USH2A: variants seen among roughly 807,000 people sequenced by gnomAD.
USH2A encodes the protein Usher syndrome 2A (autosomal recessive, mild).
USH2A carries 443 observed loss-of-function variants against 538.9 expected under a neutral mutation model. That is an observed-to-expected ratio of 0.82 (90% confidence interval 0.76 to 0.89). USH2A has a LOEUF of 0.89. Ranked by LOEUF, USH2A falls within the 40% of genes least tolerant of loss-of-function variation. The pLI, the probability that USH2A is intolerant of heterozygous loss-of-function variation, is 0.00. For synonymous variants in USH2A, 2,413 were observed against 2,273.5 expected (o/e 1.06, Z -1.75); for missense variants, 6,633 against 6,324.8 (o/e 1.05, Z -1.65).
intron 55 of USH2A, among the ~76,000 whole-genome samples, chr1:215,779,550 T>C (rs185424646): frequency 6.6e-6 from 1 of 152,106 alleles, no homozygotes; most frequent in African/African-American, 2.4e-5. Context: ...GGAATGAAAA[T>C]GCATCTTACT....
At chr1:215,650,846 A>T in intron 64 of USH2A, 45 bp from the exon 65 acceptor site, 2 of 1,492,332 alleles carry the variant, frequency 1.3e-6, no homozygotes, top group Non-Finnish European at 1.8e-6. Context: ...AGATACCCTA[A>T]GGCTGGGAAA....
intron 30 of USH2A, among the ~76,000 whole-genome samples, chr1:216,050,604 C>CTTTTTTTCT (rs2030737837): frequency 1.5e-5 from 1 of 68,562 alleles, no homozygotes; most frequent in African/African-American, 5.3e-5. Flanking sequence ...TTCTTTCTTT[C>CTTTTTTTCT]TTTTTTTTTT....
intron 14 of USH2A, among the ~76,000 whole-genome samples, chr1:216,231,292 CAG>C (rs371376479): frequency 0.041 from 2,297 of 56,394 alleles, 39 homozygotes; most frequent in South Asian, 0.062. Context: ...CACAGAGAGA[CAG>C]AGAGAGAGAG....
intron 70 of USH2A, among the ~76,000 whole-genome samples, chr1:215,633,308 T>C (rs1469888730): frequency 6.6e-6 from 1 of 152,080 alleles, no homozygotes; most frequent in Non-Finnish European, 1.5e-5. Context: ...AAGGCCCTGA[T>C]GGTGTTGGGC....
At chr1:216,334,925 C>T (rs1303762410) in intron 4 of USH2A, among the ~76,000 whole-genome samples, 2 of 151,696 alleles carry the variant, frequency 1.3e-5, no homozygotes, top group Admixed American at 1.3e-4. Flanking sequence ...AAATGGAAGA[C>T]CTGAATGACT....
intron 38 of USH2A, among the ~76,000 whole-genome samples, chr1:215,912,453 G>GTATATATATA (rs780000613): frequency 7.5e-3 from 320 of 42,864 alleles, no homozygotes; most frequent in South Asian, 0.018. Flanking sequence ...GTAGGTATGT[G>GTATATATATA]TATATATATA....
At chr1:215,850,715 A>T (rs1830912) in intron 44 of USH2A, among the ~76,000 whole-genome samples, 58,251 of 152,066 alleles carry the variant, frequency 0.38, 11,655 homozygotes, top group Admixed American at 0.52. Context: ...TTTGTAAAAC[A>T]TTCTACCCCA....
intron 21 of USH2A, among the ~76,000 whole-genome samples, chr1:216,116,474 A>G (rs2033011560): frequency 6.6e-6 from 1 of 152,106 alleles, no homozygotes; most frequent in Admixed American, 6.6e-5. Context: ...GAAAGTGTTC[A>G]ATGACCCAAA....
At chr1:215,678,804 T>C (rs1658126027) in intron 62 of USH2A, among the ~76,000 whole-genome samples, 1 of 152,200 alleles carries the variant, frequency 6.6e-6, no homozygotes, top group Non-Finnish European at 1.5e-5. Context: ...AATAAGTATA[T>C]GGCACTTAGT....
intron 14 of USH2A, among the ~76,000 whole-genome samples, chr1:216,219,379 C>CATTTTGT (rs1314787314): frequency 6.6e-6 from 1 of 152,022 alleles, no homozygotes; most frequent in African/African-American, 2.4e-5. Context: ...CCCCAAAGGA[C>CATTTTGT]ACAGGGATAA....
At chr1:215,852,203 G>C (rs1283304848) in intron 44 of USH2A, among the ~76,000 whole-genome samples, 2 of 152,114 alleles carry the variant, frequency 1.3e-5, no homozygotes, top group Non-Finnish European at 2.9e-5. Flanking sequence ...CGCATGGCTG[G>C]GGATGCCTCA....
chr1:216,144,137 G>T (rs1364245386), intron 21 of USH2A, among the ~76,000 whole-genome samples: 1 of 152,124 alleles, frequency 6.6e-6, no homozygotes, highest in Non-Finnish European at 1.5e-5. Flanking sequence ...GCTAGAATCT[G>T]TGGCCACATG....
At chr1:216,025,895 C>T (rs575373167) in intron 32 of USH2A, among the ~76,000 whole-genome samples, 1 of 152,080 alleles carries the variant, frequency 6.6e-6, no homozygotes, top group Non-Finnish European at 1.5e-5. Flanking sequence ...TTCTAATCTC[C>T]CTACATGAAA....
At chr1:215,726,263 A>T (rs1189965610) in intron 61 of USH2A, among the ~76,000 whole-genome samples, 1 of 152,166 alleles carries the variant, frequency 6.6e-6, no homozygotes. Flanking sequence ...TATCTTTTAC[A>T]CTTAAGAACA....
chr1:216,022,962 A>T (rs1668874774), intron 32 of USH2A, among the ~76,000 whole-genome samples: 1 of 152,142 alleles, frequency 6.6e-6, no homozygotes. Flanking sequence ...TAACCGTGGC[A>T]CTTAGCCAAT....
At chr1:216,162,067 A>T (rs1407748421) in intron 21 of USH2A, among the ~76,000 whole-genome samples, 2 of 152,034 alleles carry the variant, frequency 1.3e-5, no homozygotes, top group Non-Finnish European at 2.9e-5. Context: ...AACTTTGTTA[A>T]ACTATGTGTG....
In USH2A at chr1:216,422,468, A is replaced by C; in HGVS notation, c.-132T>G. The C allele has an allele frequency of 7.4e-7, 1 of 1,342,736 alleles. No homozygotes were observed. The highest frequency in any genetic ancestry group is 1.0e-6 in the Non-Finnish European group (1 of 966,346). The allele number at this position is 1,342,736 out of a possible 1,614,324, so 83.2% of individuals were successfully genotyped here. On this transcript the variant is annotated 5_prime_UTR_variant, in exon 2 of 72. Coordinates refer to ENST00000307340, the MANE Select transcript of USH2A (RefSeq NM_206933.4). The stretch of plus-strand genomic sequence containing the variant: ...CGATACTCCATTTTCTGGAAACTGC[A>C]GACACGTTCTCAGAGTAAGGTAATA...
At chr1:215,806,442 C>T (rs902528914) in intron 49 of USH2A, among the ~76,000 whole-genome samples, 7 of 152,062 alleles carry the variant, frequency 4.6e-5, no homozygotes. Context: ...TTGTTATCAA[C>T]ATCTCTGACT....
chr1:216,015,562 T>C (rs1668688857), intron 32 of USH2A, among the ~76,000 whole-genome samples: 1 of 152,232 alleles, frequency 6.6e-6, no homozygotes, highest in Admixed American at 6.5e-5. Context: ...AACTGATCTG[T>C]AGAGTTGAAA....
Sources: gnomAD v4.1 joint callset for allele counts (sites outside exome capture counted in the v4.1 genomes callset) on GRCh38, gnomAD v4.1.1 for gene constraint, MANE v1.5 for transcripts, NCBI Gene and HGNC (gene_info 2026-07-23, HGNC 2026-07-21) for gene names.